The following CNTNAP2 variants were observed in gnomAD, a reference collection of about 807,000 sequenced individuals.
CNTNAP2 encodes the protein contactin-associated protein-like 2.
A neutral mutation model predicts 155.2 loss-of-function variants in CNTNAP2; 98 were observed. The observed-to-expected ratio is 0.63, with a 90% CI of 0.54 to 0.75. CNTNAP2 has a LOEUF of 0.75. Ranked by LOEUF, CNTNAP2 falls within the 30% of genes least tolerant of loss-of-function variation. The probability of loss-of-function intolerance (pLI) is 0.00; values close to 1 mark genes in which losing one functional copy is unlikely to be tolerated. For synonymous variants in CNTNAP2, 651 were observed against 631.2 expected (o/e 1.03, Z -0.47); for missense variants, 1,727 against 1,688.1 (o/e 1.02, Z -0.40).
chr7:147,088,566 T>C (rs567346523), intron 4 of CNTNAP2, among the ~76,000 whole-genome samples: 1 of 152,284 alleles, frequency 6.6e-6, no homozygotes, highest in East Asian at 1.9e-4. Flanking sequence ...GATTCTAAAA[T>C]ATTATGTCAT....
chr7:148,174,746 C>CTTATT (rs1392305528), intron 18 of CNTNAP2, among the ~76,000 whole-genome samples: 1 of 152,020 alleles, frequency 6.6e-6, no homozygotes, highest in Non-Finnish European at 1.5e-5. Context: ...AGTATTTTTT[C>CTTATT]TTATTTTATT....
At chr7:147,968,851 A>G (rs761177823) in intron 14 of CNTNAP2, among the ~76,000 whole-genome samples, 1 of 152,176 alleles carries the variant, frequency 6.6e-6, no homozygotes, top group Non-Finnish European at 1.5e-5. Flanking sequence ...ATTGGCTTTT[A>G]TTAGCAATTC....
chr7:147,752,811 A>G (rs1440759732), intron 13 of CNTNAP2, among the ~76,000 whole-genome samples: 1 of 152,202 alleles, frequency 6.6e-6, no homozygotes, highest in Non-Finnish European at 1.5e-5. Context: ...TTTAAATGCC[A>G]CATTATTTTG....
At chr7:148,338,316 A>G (rs975582143) in intron 21 of CNTNAP2, among the ~76,000 whole-genome samples, 7 of 152,222 alleles carry the variant, frequency 4.6e-5, no homozygotes, top group Non-Finnish European at 7.3e-5. Context: ...CATTCTGTGC[A>G]TCATGATCCT....
intron 1 of CNTNAP2, among the ~76,000 whole-genome samples, chr7:146,684,407 C>T (rs1290352118): frequency 6.6e-6 from 1 of 151,964 alleles, no homozygotes; most frequent in East Asian, 1.9e-4. Flanking sequence ...TATACACAAG[C>T]AAATGGAGGT....
chr7:146,798,997 C>A (rs973491155), intron 2 of CNTNAP2, among the ~76,000 whole-genome samples: 3 of 152,092 alleles, frequency 2.0e-5, no homozygotes, highest in African/African-American at 7.2e-5. Flanking sequence ...CTCTTTCATA[C>A]AAACTAATCC....
Position 147,956,481 on chromosome 7 carries a change from C to T in CNTNAP2, c.2256-21381C>T, listed in dbSNP as rs142799136. On this transcript the variant is annotated intron_variant, in intron 14 of 23. Transcript: ENST00000361727. ...TTGGCAGCAGAGGCTCTAATGAAAT[C>T]TTGCAATTAGTCTGAGAAGCCCATT... Among the ~76,000 whole-genome samples the T allele has an allele frequency of 1.1e-4, 17 of 152,284 alleles. No homozygotes were observed. The East Asian group carries it at 3.3e-3, about 29-fold the overall frequency.
chr7:146,570,356 C>A (rs1188346381), intron 1 of CNTNAP2, among the ~76,000 whole-genome samples: 1 of 152,034 alleles, frequency 6.6e-6, no homozygotes, highest in Non-Finnish European at 1.5e-5. Flanking sequence ...ATATTTTGGT[C>A]CCACTATTCT....
chr7:146,964,730 A>G (rs1797622045), intron 3 of CNTNAP2, among the ~76,000 whole-genome samples: 1 of 152,210 alleles, frequency 6.6e-6, no homozygotes, highest in Non-Finnish European at 1.5e-5. Context: ...GCAAAGGACC[A>G]GATACAAGTA....
chr7:147,474,534 G>C (rs1798281814), intron 10 of CNTNAP2, among the ~76,000 whole-genome samples: 1 of 151,976 alleles, frequency 6.6e-6, no homozygotes, highest in African/African-American at 2.4e-5. Flanking sequence ...AGTGAGCTGA[G>C]ATCGCACCAT....
chr7:148,055,399 C>G (rs972851285), intron 15 of CNTNAP2, among the ~76,000 whole-genome samples: 1 of 152,106 alleles, frequency 6.6e-6, no homozygotes, highest in Non-Finnish European at 1.5e-5. Flanking sequence ...AGGCTATGCA[C>G]CCGTGTCATC....
intron 3 of CNTNAP2, among the ~76,000 whole-genome samples, chr7:146,870,421 A>G (rs1394428701): frequency 6.6e-6 from 1 of 152,120 alleles, no homozygotes; most frequent in African/African-American, 2.4e-5. Context: ...TGAGATCAGT[A>G]GTAACATTCC....
intron 4 of CNTNAP2, among the ~76,000 whole-genome samples, chr7:147,068,958 G>T (rs897246562): frequency 6.6e-6 from 1 of 152,236 alleles, no homozygotes; most frequent in Non-Finnish European, 1.5e-5. Flanking sequence ...TACAGGAAGT[G>T]CTGGCGTCTT....
intron 1 of CNTNAP2, among the ~76,000 whole-genome samples, chr7:146,352,881 AGTC>A (rs1794940864): frequency 6.8e-6 from 1 of 148,006 alleles, no homozygotes; most frequent in African/African-American, 2.5e-5. Context: ...CAGCCTCCCT[AGTC>A]GCTAGGACTA....
chr7:146,842,688 CTTT>C (rs1369458524), intron 3 of CNTNAP2, among the ~76,000 whole-genome samples: 2 of 151,956 alleles, frequency 1.3e-5, no homozygotes, highest in Non-Finnish European at 2.9e-5. Flanking sequence ...GTGTCACATA[CTTT>C]TTTATTTTTT....
intron 13 of CNTNAP2, among the ~76,000 whole-genome samples, chr7:147,868,515 G>A (rs1799271079): frequency 6.6e-6 from 1 of 152,238 alleles, no homozygotes; most frequent in Non-Finnish European, 1.5e-5. Context: ...CTGTCAGACA[G>A]GGATGTTTAA....
chr7:147,503,100 A>G (rs1798848213), intron 11 of CNTNAP2, among the ~76,000 whole-genome samples: 1 of 152,206 alleles, frequency 6.6e-6, no homozygotes, highest in Non-Finnish European at 1.5e-5. Flanking sequence ...TTTGCAGTTT[A>G]GAAGTCCATA....
At chr7:146,882,138 A>G (rs1359296170) in intron 3 of CNTNAP2, among the ~76,000 whole-genome samples, 3 of 152,110 alleles carry the variant, frequency 2.0e-5, no homozygotes. Context: ...TACAAAGGAC[A>G]CGGTTTCTTT....
chr7:147,728,032 A>C (rs76882259), intron 13 of CNTNAP2, among the ~76,000 whole-genome samples: 3,090 of 152,082 alleles, frequency 0.02, 94 homozygotes, highest in African/African-American at 0.071. Flanking sequence ...TCTTGTGTAA[A>C]GCATCAGATT....
Sources: allele counts gnomAD v4.1 joint callset (sites outside exome capture counted in the v4.1 genomes callset), GRCh38; gene constraint gnomAD v4.1.1; transcripts MANE v1.5; gene names NCBI Gene and HGNC (gene_info 2026-07-23, HGNC 2026-07-21).